Variants in ADGRB3 observed in about 807,000 individuals in gnomAD.
The protein encoded by ADGRB3 is adhesion G protein-coupled receptor B3, also known as brain-specific angiogenesis inhibitor 3.
A neutral mutation model predicts 193.4 loss-of-function variants in ADGRB3; 37 were observed. That is an observed-to-expected ratio of 0.19 (90% CI 0.15 to 0.25). The LOEUF (loss-of-function observed/expected upper bound fraction) is 0.25. ADGRB3 is among the 10% of genes least tolerant of loss of function. The pLI, the probability that ADGRB3 is intolerant of heterozygous loss-of-function variation, is 1.00. For synonymous variants in ADGRB3, 690 were observed against 644.2 expected (o/e 1.07, Z -1.08); for missense variants, 1,637 against 1,852.9 (o/e 0.88, Z 2.14).
chr6:69,267,168 A>G (rs1445980497), intron 20 of ADGRB3, among the ~76,000 whole-genome samples: 1 of 151,998 alleles, frequency 6.6e-6, no homozygotes, highest in African/African-American at 2.4e-5. Context: ...ATTGATTCTG[A>G]CAATTTTCAC....
chr6:69,010,245 C>A (rs1489776881), intron 11 of ADGRB3, among the ~76,000 whole-genome samples: 1 of 152,002 alleles, frequency 6.6e-6, no homozygotes, highest in South Asian at 2.1e-4. Flanking sequence ...CCTCTCCCAC[C>A]AGAGCACATT....
At chr6:68,996,293 T>A (rs1207540798) in intron 11 of ADGRB3, among the ~76,000 whole-genome samples, 2 of 152,264 alleles carry the variant, frequency 1.3e-5, no homozygotes, top group South Asian at 2.1e-4. Context: ...TCTAATTACC[T>A]CAGCCTACAT....
At chr6:68,881,637 T>C (rs1765735923) in intron 3 of ADGRB3, among the ~76,000 whole-genome samples, 1 of 152,178 alleles carries the variant, frequency 6.6e-6, no homozygotes, top group Non-Finnish European at 1.5e-5. Context: ...CGGGAACAAG[T>C]GGCTATGGGA....
chr6:68,814,479 T>G, intron 3 of ADGRB3, among the ~76,000 whole-genome samples: 1 of 152,194 alleles, frequency 6.6e-6, no homozygotes, highest in East Asian at 1.9e-4. Context: ...CTGCAAAAAG[T>G]TTCTCCCATT....
At chr6:69,010,941 C>CAAGT (rs1430323422) in intron 11 of ADGRB3, among the ~76,000 whole-genome samples, 1 of 151,892 alleles carries the variant, frequency 6.6e-6, no homozygotes, top group African/African-American at 2.4e-5. Flanking sequence ...AGAACACTGG[C>CAAGT]AAGTAGTGGC....
intron 30 of ADGRB3, among the ~76,000 whole-genome samples, chr6:69,374,772 G>A (rs1769778849): frequency 6.6e-6 from 1 of 151,992 alleles, no homozygotes; most frequent in Admixed American, 6.6e-5. Context: ...TACCTAGTAA[G>A]CATTCAGTAA....
chr6:69,349,179 T>A (rs1037504281), intron 26 of ADGRB3, among the ~76,000 whole-genome samples: 1 of 152,254 alleles, frequency 6.6e-6, no homozygotes, highest in African/African-American at 2.4e-5. Context: ...GATCCTGGTG[T>A]ATGACACATA....
At position 69,327,845 on chromosome 6, in the gene ADGRB3, A is replaced by G; in HGVS notation, c.2991A>G (p.Thr997=). ...GWGLPALVVA[T]SVGFTRTKGY... ...GTTTACCAGCATTAGTAGTGGCCAC[A>G]TCAGTAGGCTTCACCAGAACAAAAG... Residue 997 remains threonine, a synonymous_variant, in exon 22 of 32, where the codon ACA becomes ACG. Coordinates refer to ENST00000370598, the MANE Select transcript of ADGRB3 (RefSeq NM_001704.3). 1 of 1,610,978 alleles carries G rather than the reference A, an allele frequency of 6.2e-7. No homozygotes were observed. The highest frequency in any genetic ancestry group is 8.5e-7 in the Non-Finnish European group (1 of 1,177,668).
In ADGRB3 at chr6:69,232,180, C is replaced by T. The variant is rs368077060; in HGVS notation, c.2481-1110C>T. Among the ~76,000 whole-genome samples the T allele has an allele frequency of 1.2e-3, 184 of 152,244 alleles. 2 individuals are homozygous for T. The South Asian group carries it at 0.03, about 25-fold the overall frequency. On this transcript the variant is annotated intron_variant, in intron 17 of 31. Transcript: ENST00000370598. Reference sequence around the variant, plus strand: ...TACAGGTTTGCTAGCTGGATAATTTCCATGCCTGGGGGAGGGGAGGTGACA... The same window carrying T: ...TACAGGTTTGCTAGCTGGATAATTTTCATGCCTGGGGGAGGGGAGGTGACA...
rs184026880 is a variant in ADGRB3 at position 69,318,404 on chromosome 6, T to A, written c.2815-6468T>A. 1.9e-3 allele frequency among the ~76,000 whole-genome samples: 290 copies of A among 151,538 alleles called. 4 individuals carry two copies. The highest frequency in any genetic ancestry group is 5.0e-3 in the Admixed American group (76 of 15,134). ...TGGGGAGGTCATTTTTGATGTTGAG[T>A]CACCCTGCATTACTGGACCCACTCT... On this transcript the variant is annotated intron_variant, in intron 20 of 31. Coordinates refer to ENST00000370598, the MANE Select transcript of ADGRB3 (RefSeq NM_001704.3).
chr6:68,896,230 G>T (rs1049152286), intron 3 of ADGRB3, among the ~76,000 whole-genome samples: 1 of 152,036 alleles, frequency 6.6e-6, no homozygotes, highest in Non-Finnish European at 1.5e-5. Flanking sequence ...ATATATGTAA[G>T]AGAACTGGAG....
At chr6:68,841,086 C>A (rs1057404752) in intron 3 of ADGRB3, among the ~76,000 whole-genome samples, 1 of 151,194 alleles carries the variant, frequency 6.6e-6, no homozygotes, top group African/African-American at 2.4e-5. Flanking sequence ...AACACTGAAG[C>A]ACCCCAATAT....
chr6:68,855,304 T>C (rs1446348453), intron 3 of ADGRB3, among the ~76,000 whole-genome samples: 1 of 152,196 alleles, frequency 6.6e-6, no homozygotes, highest in Non-Finnish European at 1.5e-5. Context: ...CCTCAAGTTA[T>C]AGTGTCTTCA....
chr6:69,179,376 A>G (rs1024662995), intron 17 of ADGRB3, among the ~76,000 whole-genome samples: 4 of 152,088 alleles, frequency 2.6e-5, no homozygotes, highest in African/African-American at 9.7e-5. Context: ...TCCCTTCTCC[A>G]TTTCGTAGAT....
intron 16 of ADGRB3, among the ~76,000 whole-genome samples, 159 bp from the exon 17 acceptor site, chr6:69,075,836 C>T (rs767569522): frequency 5.3e-5 from 8 of 151,842 alleles, no homozygotes; most frequent in South Asian, 2.1e-4. Context: ...CTATGAGAAA[C>T]GAAATGCAAA....
At chr6:68,970,698 A>G (rs1416260862) in intron 8 of ADGRB3, among the ~76,000 whole-genome samples, 1 of 152,192 alleles carries the variant, frequency 6.6e-6, no homozygotes, top group Non-Finnish European at 1.5e-5. Context: ...CATATTAGGT[A>G]AAAATGTAGC....
At chr6:68,769,352 T>C (rs1032006538) in intron 3 of ADGRB3, among the ~76,000 whole-genome samples, 1 of 152,202 alleles carries the variant, frequency 6.6e-6, no homozygotes, top group Non-Finnish European at 1.5e-5. Flanking sequence ...TAGAATACTA[T>C]GCAGCCATAA....
At chr6:68,775,268 C>T (rs932856359) in intron 3 of ADGRB3, among the ~76,000 whole-genome samples, 3 of 151,714 alleles carry the variant, frequency 2.0e-5, no homozygotes, top group South Asian at 4.1e-4. Flanking sequence ...TGAAAAAGGA[C>T]CCAGGCAGGA....
At chr6:68,841,619 G>A (rs1018702269) in intron 3 of ADGRB3, among the ~76,000 whole-genome samples, 18 of 152,112 alleles carry the variant, frequency 1.2e-4, no homozygotes, top group Admixed American at 6.5e-5. Flanking sequence ...GCACTAAGAG[G>A]AGAGTTTATA....
Sources: allele counts gnomAD v4.1 joint callset (sites outside exome capture counted in the v4.1 genomes callset), GRCh38; gene constraint gnomAD v4.1.1; transcripts MANE v1.5; gene names NCBI Gene and HGNC (gene_info 2026-07-23, HGNC 2026-07-21).